Variants in MPP7 observed in about 807,000 individuals in gnomAD.
MPP7 encodes the protein MAGUK p55 scaffold protein 7.
Under a neutral mutation model 76.5 loss-of-function variants are expected in MPP7, and 60 were observed. The observed-to-expected ratio is 0.78, with a 90% CI of 0.64 to 0.97. MPP7 has a LOEUF of 0.97. MPP7 is among the 50% of genes least tolerant of loss of function. The pLI is 0.00. For missense variants in MPP7, 641 were observed against 694.0 expected (o/e 0.92, Z 0.86); for synonymous variants, 237 against 244.5 (o/e 0.97, Z 0.29).
intron 3 of MPP7, among the ~76,000 whole-genome samples, chr10:28,191,908 G>GA (rs1837423435): frequency 6.6e-6 from 1 of 152,150 alleles, no homozygotes; most frequent in African/African-American, 2.4e-5. Context: ...TGGATCACTT[G>GA]AGATCAGGAG....
chr10:28,233,368 T>C (rs1008875289), intron 2 of MPP7, among the ~76,000 whole-genome samples: 1 of 152,294 alleles, frequency 6.6e-6, no homozygotes, highest in Non-Finnish European at 1.5e-5. Context: ...TGGGTTAACT[T>C]ACACACATAC....
intron 1 of MPP7, among the ~76,000 whole-genome samples, chr10:28,278,460 G>A (rs1158697692): frequency 6.6e-6 from 1 of 152,042 alleles, no homozygotes; most frequent in Non-Finnish European, 1.5e-5. Flanking sequence ...GGAAATGTTA[G>A]AGGTACTGAT....
At chr10:28,260,239 T>C (rs1292773310) in intron 1 of MPP7, among the ~76,000 whole-genome samples, 3 of 152,178 alleles carry the variant, frequency 2.0e-5, no homozygotes, top group Non-Finnish European at 4.4e-5. Context: ...CTAAAAAGTA[T>C]TCAATCATTT....
chr10:28,073,131 G>A (rs1303805911), intron 12 of MPP7, among the ~76,000 whole-genome samples: 1 of 152,022 alleles, frequency 6.6e-6, no homozygotes, highest in Admixed American at 6.6e-5. Context: ...TGGCAATTTC[G>A]ACTTTTCTCC....
chr10:28,233,333 A>G (rs1838953203), intron 2 of MPP7, among the ~76,000 whole-genome samples: 1 of 152,226 alleles, frequency 6.6e-6, no homozygotes, highest in African/African-American at 2.4e-5. Context: ...TGAAATGTTC[A>G]TATACGTTTA....
intron 6 of MPP7, among the ~76,000 whole-genome samples, chr10:28,131,119 T>C (rs968848528): frequency 3.3e-5 from 5 of 152,220 alleles, no homozygotes; most frequent in African/African-American, 1.2e-4. Context: ...CTTCAAAAGA[T>C]GTTTAACAAA....
intron 1 of MPP7, among the ~76,000 whole-genome samples, chr10:28,247,852 G>A (rs1839488042): frequency 1.3e-5 from 2 of 152,134 alleles, no homozygotes; most frequent in South Asian, 4.1e-4. Context: ...TAAGAGCACT[G>A]CATTGTTCAT....
At chr10:28,158,987 T>A (rs371462837) in intron 3 of MPP7, among the ~76,000 whole-genome samples, 4 of 151,662 alleles carry the variant, frequency 2.6e-5, no homozygotes, top group East Asian at 3.9e-4. Flanking sequence ...GAACACACTA[T>A]CCCCCATCCC....
chr10:28,242,241 A>G (rs958000024), intron 1 of MPP7, among the ~76,000 whole-genome samples: 1 of 152,228 alleles, frequency 6.6e-6, no homozygotes, highest in African/African-American at 2.4e-5. Context: ...TTTCAGAAGA[A>G]TAAGTGTGCT....
intron 12 of MPP7, among the ~76,000 whole-genome samples, chr10:28,076,541 G>GCA (rs150111167): frequency 0.15 from 22,533 of 149,926 alleles, 2,021 homozygotes; most frequent in East Asian, 0.32. Flanking sequence ...ACACATGCGC[G>GCA]CACACACACA....
intron 11 of MPP7, among the ~76,000 whole-genome samples, chr10:28,107,058 G>C (rs905356869): frequency 2.6e-5 from 4 of 152,062 alleles, no homozygotes; most frequent in African/African-American, 4.8e-5. Flanking sequence ...CCAAAATCTG[G>C]CAAAACTTTA....
chr10:28,058,989 C>G (rs74127196), intron 14 of MPP7, among the ~76,000 whole-genome samples: 26 of 152,250 alleles, frequency 1.7e-4, no homozygotes, highest in Middle Eastern at 6.8e-3. Context: ...GAACTAGAGG[C>G]GCTGGGTGGT....
intron 12 of MPP7, among the ~76,000 whole-genome samples, chr10:28,086,824 C>T (rs1438113819): frequency 6.6e-6 from 1 of 152,164 alleles, no homozygotes; most frequent in Non-Finnish European, 1.5e-5. Context: ...AGTCTATCCC[C>T]CGCTGAATAC....
intron 2 of MPP7, among the ~76,000 whole-genome samples, chr10:28,232,557 G>T (rs1669981598): frequency 6.6e-6 from 1 of 152,082 alleles, no homozygotes; most frequent in African/African-American, 2.4e-5. Flanking sequence ...TTTTCCCCTG[G>T]ATTCTATAAT....
chr10:28,277,923 T>C (rs1296816882), intron 1 of MPP7, among the ~76,000 whole-genome samples: 1 of 152,062 alleles, frequency 6.6e-6, no homozygotes, highest in Admixed American at 6.5e-5. Flanking sequence ...AAGGAATCCA[T>C]GAAAAAGTGG....
chr10:28,159,205 C>T (rs1836174141), intron 3 of MPP7, among the ~76,000 whole-genome samples: 1 of 152,190 alleles, frequency 6.6e-6, no homozygotes, highest in Non-Finnish European at 1.5e-5. Context: ...AAAATTAAAA[C>T]TCCCTCTTTG....
At chr10:28,119,275 T>C (rs1178568995) in intron 11 of MPP7, among the ~76,000 whole-genome samples, 1 of 152,094 alleles carries the variant, frequency 6.6e-6, no homozygotes, top group African/African-American at 2.4e-5. Context: ...AAGAAAATGG[T>C]AGATTTTTTT....
intron 1 of MPP7, among the ~76,000 whole-genome samples, chr10:28,262,210 T>TATATATATATATAC (rs1564741265): frequency 4.9e-3 from 40 of 8,208 alleles, no homozygotes; most frequent in South Asian, 6.6e-3. Context: ...TATATATACA[T>TATATATATATATAC]ATATATATAT....
chr10:28,177,117 C>G (rs997515403), intron 3 of MPP7, among the ~76,000 whole-genome samples: 1 of 151,180 alleles, frequency 6.6e-6, no homozygotes, highest in Non-Finnish European at 1.5e-5. Flanking sequence ...GTATTCATAC[C>G]GATAGTAAAA....
Sources: allele counts gnomAD v4.1 joint callset (sites outside exome capture counted in the v4.1 genomes callset), GRCh38; gene constraint gnomAD v4.1.1; transcripts MANE v1.5; gene names NCBI Gene and HGNC (gene_info 2026-07-23, HGNC 2026-07-21).